The following SLC35F4 variants were observed in gnomAD, a reference collection of about 807,000 sequenced individuals.
SLC35F4 encodes the protein solute carrier family 35 member F4, also known as chromosome 14 open reading frame 36.
A neutral mutation model predicts 44.2 loss-of-function variants in SLC35F4; 24 were observed. The ratio of observed to expected loss-of-function variants is 0.54; its 90% CI spans 0.39 to 0.76. The LOEUF (loss-of-function observed/expected upper bound fraction) is 0.76. Among genes scored for constraint, SLC35F4 ranks in the 30% least tolerant of loss-of-function variants. The pLI is 0.00. For synonymous variants in SLC35F4, 238 were observed against 223.6 expected (o/e 1.06, Z -0.57); for missense variants, 562 against 586.1 (o/e 0.96, Z 0.42).
intron 1 of SLC35F4, among the ~76,000 whole-genome samples, chr14:57,943,672 C>T (rs907160723): frequency 5.9e-5 from 9 of 152,200 alleles, no homozygotes; most frequent in Non-Finnish European, 1.3e-4. Flanking sequence ...TCCCCAGCCC[C>T]GATGTCTGCA....
chr14:57,958,807 G>A (rs952593276), intron 1 of SLC35F4, among the ~76,000 whole-genome samples: 1 of 152,094 alleles, frequency 6.6e-6, no homozygotes, highest in Non-Finnish European at 1.5e-5. Context: ...CTCAATGTTC[G>A]CATGCCACTT....
intron 1 of SLC35F4, among the ~76,000 whole-genome samples, chr14:57,632,273 GA>G (rs1480259062): frequency 2.6e-5 from 4 of 151,958 alleles, no homozygotes; most frequent in African/African-American, 9.7e-5. Context: ...CTTTCTTATA[GA>G]AGCCTCTGAA....
At chr14:57,725,962 G>A (rs144075601) in intron 1 of SLC35F4, among the ~76,000 whole-genome samples, 1,558 of 152,216 alleles carry the variant, frequency 0.01, 23 homozygotes, top group Middle Eastern at 0.027. Flanking sequence ...CCAGAGGGAG[G>A]AACACTGCCT....
At chr14:57,937,614 A>T (rs576275506) in intron 1 of SLC35F4, among the ~76,000 whole-genome samples, 3 of 104,758 alleles carry the variant, frequency 2.9e-5, no homozygotes, top group East Asian at 9.6e-4. Flanking sequence ...AGAAAAGAAA[A>T]GAAAAGAAAA....
chr14:57,644,413 C>A (rs2073399715), intron 1 of SLC35F4, among the ~76,000 whole-genome samples: 1 of 150,698 alleles, frequency 6.6e-6, no homozygotes, highest in South Asian at 2.1e-4. Context: ...GCATAAATAT[C>A]TTCTTTTGAG....
chr14:57,720,597 C>T (rs1307427721), intron 1 of SLC35F4, among the ~76,000 whole-genome samples: 4 of 151,948 alleles, frequency 2.6e-5, no homozygotes, highest in African/African-American at 9.7e-5. Flanking sequence ...TTCTTCTAGA[C>T]TGTGATGGCT....
At chr14:57,689,319 G>A (rs2075158734) in intron 1 of SLC35F4, among the ~76,000 whole-genome samples, 1 of 152,080 alleles carries the variant, frequency 6.6e-6, no homozygotes, top group Admixed American at 6.6e-5. Flanking sequence ...TTCTTCTGGA[G>A]TCTATCCCAC....
chr14:57,808,017 T>C (rs1320784183), intron 1 of SLC35F4, among the ~76,000 whole-genome samples: 2 of 151,666 alleles, frequency 1.3e-5, no homozygotes, highest in Non-Finnish European at 2.9e-5. Flanking sequence ...TTCATTATCA[T>C]GAACACAGCA....
intron 1 of SLC35F4, among the ~76,000 whole-genome samples, chr14:57,826,676 A>C (rs1425386149): frequency 1.3e-5 from 2 of 151,790 alleles, no homozygotes; most frequent in Non-Finnish European, 2.9e-5. Context: ...GAAAAAAAAA[A>C]CTAGTAAGAA....
chr14:57,719,752 T>C (rs11846777), intron 1 of SLC35F4, among the ~76,000 whole-genome samples: 60,212 of 151,978 alleles, frequency 0.4, 11,954 homozygotes, highest in Middle Eastern at 0.42. Context: ...TGGTAGCATC[T>C]GCAAACAATG....
chr14:57,948,249 A>T (rs10141616), intron 1 of SLC35F4, among the ~76,000 whole-genome samples: 2,401 of 152,016 alleles, frequency 0.016, 67 homozygotes, highest in African/African-American at 0.053. Context: ...TTTCTTCCTG[A>T]TTTAATCTAG....
intron 1 of SLC35F4, among the ~76,000 whole-genome samples, chr14:57,698,525 A>G (rs2075445759): frequency 6.6e-6 from 1 of 152,236 alleles, no homozygotes; most frequent in African/African-American, 2.4e-5. Flanking sequence ...CTTCCAAGAT[A>G]CATACTTCTT....
At chr14:57,754,941 C>T (rs1334997057) in intron 1 of SLC35F4, among the ~76,000 whole-genome samples, 2 of 152,232 alleles carry the variant, frequency 1.3e-5, no homozygotes, top group Admixed American at 6.5e-5. Context: ...GAAGAGGCTT[C>T]GATTCCTGGT....
In SLC35F4 at chr14:57,580,901, G is replaced by A. The variant is rs140747915; in HGVS notation, c.807+313C>T. 121 of 214,374 alleles carry A rather than the reference G, an allele frequency of 5.6e-4. 1 individual carries two copies. The East Asian group carries it at 0.011, about 19-fold the overall frequency. 13.3% of individuals were successfully genotyped at this position (214,374 alleles called of 1,614,324 possible). On this transcript the variant is annotated intron_variant, in intron 4 of 7. Transcript: ENST00000556826. Reference sequence around the variant, plus strand: ...AGTGGCTAATTTTCTCAGACCCTTCGTTCCTGAGGACAGAAGGAGGTGAAC... The same window carrying A: ...AGTGGCTAATTTTCTCAGACCCTTCATTCCTGAGGACAGAAGGAGGTGAAC...
chr14:57,713,093 C>T (rs1362294361), intron 1 of SLC35F4, among the ~76,000 whole-genome samples: 1 of 152,204 alleles, frequency 6.6e-6, no homozygotes, highest in African/African-American at 2.4e-5. Flanking sequence ...CCAAATTCTG[C>T]TCATTCTCCC....
At chr14:57,970,165 T>G (rs1489229835) in intron 1 of SLC35F4, among the ~76,000 whole-genome samples, 1 of 152,238 alleles carries the variant, frequency 6.6e-6, no homozygotes, top group African/African-American at 2.4e-5. Context: ...AGTTCCTGAC[T>G]TATCAACTAG....
At chr14:57,822,020 T>C (rs943358160) in intron 1 of SLC35F4, among the ~76,000 whole-genome samples, 1 of 152,200 alleles carries the variant, frequency 6.6e-6, no homozygotes, top group African/African-American at 2.4e-5. Context: ...CTTTAGGCTC[T>C]TGACTTCCCT....
At chr14:57,639,781 AACT>A (rs1005815117) in intron 1 of SLC35F4, among the ~76,000 whole-genome samples, 5 of 152,118 alleles carry the variant, frequency 3.3e-5, no homozygotes, top group African/African-American at 1.2e-4. Flanking sequence ...TAGTATATCT[AACT>A]ACTACAATTT....
At chr14:57,681,250 T>C (rs1000706727) in intron 1 of SLC35F4, among the ~76,000 whole-genome samples, 1 of 151,998 alleles carries the variant, frequency 6.6e-6, no homozygotes, top group Non-Finnish European at 1.5e-5. Flanking sequence ...TTGACAAACC[T>C]GATGAAAACA....
Sources: allele counts gnomAD v4.1 joint callset (sites outside exome capture counted in the v4.1 genomes callset), GRCh38; gene constraint gnomAD v4.1.1; transcripts MANE v1.5; gene names NCBI Gene and HGNC (gene_info 2026-07-23, HGNC 2026-07-21).